The following NPAS3 variants were observed in gnomAD, a reference collection of about 807,000 sequenced individuals.
The protein encoded by NPAS3 is neuronal PAS domain protein 3.
Under a neutral mutation model 73.1 loss-of-function variants are expected in NPAS3, and 14 were observed. The observed-to-expected ratio is 0.19, with a 90% CI of 0.13 to 0.30. NPAS3 has a LOEUF of 0.30. NPAS3 is among the 10% of genes least tolerant of loss of function. The pLI, the probability that NPAS3 is intolerant of heterozygous loss-of-function variation, is 1.00. For synonymous variants in NPAS3, 620 were observed against 541.5 expected, an observed-to-expected ratio of 1.14 and a Z score of -2.01; for missense variants, 1,096 against 1,250.0, an observed-to-expected ratio of 0.88 and a Z score of 1.86.
intron 1 of NPAS3, among the ~76,000 whole-genome samples, chr14:33,038,406 C>A (rs2040239646): frequency 6.6e-6 from 1 of 152,052 alleles, no homozygotes; most frequent in African/African-American, 2.4e-5. Flanking sequence ...CTAATATAAT[C>A]TTGGTTTTCT....
intron 1 of NPAS3, among the ~76,000 whole-genome samples, chr14:33,012,583 C>G (rs928849606): frequency 2.0e-5 from 3 of 150,802 alleles, no homozygotes; most frequent in African/African-American, 4.9e-5. Context: ...GAGTCTCGCT[C>G]TCTCGCCTGG....
chr14:33,032,229 G>C (rs1311274461), intron 1 of NPAS3, among the ~76,000 whole-genome samples: 2 of 152,174 alleles, frequency 1.3e-5, no homozygotes, highest in African/African-American at 4.8e-5. Context: ...ACTTAGTTCT[G>C]CAGACAAAAG....
At chr14:33,685,115 A>G (rs1032660465) in intron 6 of NPAS3, among the ~76,000 whole-genome samples, 2 of 152,136 alleles carry the variant, frequency 1.3e-5, no homozygotes, top group African/African-American at 4.8e-5. Flanking sequence ...CATTGATTGA[A>G]TGTCCACGAC....
intron 3 of NPAS3, among the ~76,000 whole-genome samples, chr14:33,263,734 T>C (rs746203903): frequency 6.6e-6 from 1 of 152,228 alleles, no homozygotes; most frequent in Non-Finnish European, 1.5e-5. Context: ...TTCATGATAC[T>C]GATTCTTCCT....
intron 3 of NPAS3, among the ~76,000 whole-genome samples, chr14:33,345,722 G>C (rs530111819): frequency 1.6e-4 from 25 of 152,274 alleles, no homozygotes; most frequent in Admixed American, 1.3e-3. Flanking sequence ...ACTAGCCTAA[G>C]GATAAATGTG....
intron 4 of NPAS3, among the ~76,000 whole-genome samples, chr14:33,423,164 G>A (rs909864883): frequency 2.0e-5 from 3 of 152,030 alleles, no homozygotes; most frequent in Non-Finnish European, 4.4e-5. Context: ...GACAAGTTGG[G>A]TTGTCTGAAC....
At chr14:33,600,880 G>T (rs1265299511) in intron 5 of NPAS3, among the ~76,000 whole-genome samples, 1 of 152,144 alleles carries the variant, frequency 6.6e-6, no homozygotes, top group African/African-American at 2.4e-5. Flanking sequence ...GACCTGTCTG[G>T]GAAAAGCTTC....
chr14:33,800,778 A>T lies in NPAS3; in HGVS notation c.2471A>T (p.Tyr824Phe). The change falls in exon 12 of 12, where the codon TAC becomes TTC. Residue 824 changes from tyrosine (Y) to phenylalanine (F), a missense_variant. By Grantham distance (22) the Tyr-to-Phe change is conservative. Around this residue, in one of 5 missense-constraint regions of NPAS3, gnomAD observed 698 missense variants for 676.7 expected, o/e 1.03. Coordinates refer to ENST00000356141, the Ensembl canonical transcript of NPAS3. This position sits in a 1 kb window ranked among gnomAD's most constrained non-coding sequence, Gnocchi z 6.5. ...ACCAGCACGGCCGCGCAGAGGGTCT[A>T]CACCACGGGCACCATCCGCTACGCG... 6.3e-7 allele frequency: 1 copy of T among 1,580,664 alleles called. No individual in the cohort carries two copies.
intron 2 of NPAS3, among the ~76,000 whole-genome samples, chr14:33,149,258 G>A (rs1015980387): frequency 4.6e-5 from 7 of 152,138 alleles, no homozygotes; most frequent in Non-Finnish European, 1.0e-4. Flanking sequence ...AACTTGATAC[G>A]CTTTGTGCCT....
intron 4 of NPAS3, among the ~76,000 whole-genome samples, chr14:33,396,050 A>G (rs2047209876): frequency 6.6e-6 from 1 of 152,074 alleles, no homozygotes; most frequent in Non-Finnish European, 1.5e-5. Flanking sequence ...CATCCAATTA[A>G]CCTTTGACTT....
At chr14:33,193,198 GT>G (rs33973640) in intron 2 of NPAS3, among the ~76,000 whole-genome samples, 48,913 of 141,848 alleles carry the variant, frequency 0.34, 8,917 homozygotes, top group Non-Finnish European at 0.44. Context: ...AAGTGTCTTA[GT>G]TTTTTTTTTT....
intron 3 of NPAS3, among the ~76,000 whole-genome samples, chr14:33,236,179 A>C (rs905007144): frequency 6.6e-6 from 1 of 151,858 alleles, no homozygotes; most frequent in African/African-American, 2.4e-5. Context: ...AAAAAAACCA[A>C]AGAGGAAAGG....
chr14:33,091,823 A>C (rs1022002609), intron 2 of NPAS3, among the ~76,000 whole-genome samples: 1 of 152,216 alleles, frequency 6.6e-6, no homozygotes, highest in Non-Finnish European at 1.5e-5. Context: ...CAACATACGC[A>C]AATCAATAAA....
exon 12 of NPAS3, chr14:33,799,880 A>G: frequency 6.2e-7 from 1 of 1,614,194 alleles, no homozygotes; most frequent in Non-Finnish European, 8.5e-7. Flanking sequence ...TAACCCGGAC[A>G]GCCGCGACAG....
chr14:33,130,114 G>A lies in NPAS3; in HGVS notation c.140+74120G>A, dbSNP rs558627134. Among the ~76,000 whole-genome samples, 18 of 152,242 alleles carry A rather than the reference G, an allele frequency of 1.2e-4. No individual in the cohort carries two copies. The East Asian group carries it at 3.5e-3, about 29-fold the overall frequency. ...CTGGTATAGCAATTATAACTGATAAGGTATCCATAATTCATTTAATGCAGT... is the reference window on the plus strand; with the variant it reads ...CTGGTATAGCAATTATAACTGATAAAGTATCCATAATTCATTTAATGCAGT... On this transcript the variant is annotated intron_variant, in intron 2 of 11. Transcript: ENST00000356141.
chr14:33,619,456 A>G (rs1290235853), intron 5 of NPAS3, among the ~76,000 whole-genome samples: 2 of 152,198 alleles, frequency 1.3e-5, no homozygotes, highest in Non-Finnish European at 2.9e-5. Flanking sequence ...ATTAAAAAAA[A>G]AAATCCAAAG....
intron 5 of NPAS3, among the ~76,000 whole-genome samples, chr14:33,632,040 T>C (rs2140140392): frequency 6.6e-6 from 1 of 152,364 alleles, no homozygotes; most frequent in South Asian, 2.1e-4. Context: ...TTATCTCTTA[T>C]GACGATTTCA....
chr14:33,655,249 C>T (rs1447567437), intron 5 of NPAS3, among the ~76,000 whole-genome samples: 1 of 151,760 alleles, frequency 6.6e-6, no homozygotes, highest in African/African-American at 2.4e-5. Flanking sequence ...TGCATTTTCC[C>T]AAATACACCC....
intron 5 of NPAS3, chr14:33,583,468 G>A (rs890170141): frequency 1.3e-5 from 2 of 152,064 alleles, no homozygotes; most frequent in Non-Finnish European, 2.9e-5. Context: ...TTTAATAAAG[G>A]TATATCTTTC....
Sources: allele counts gnomAD v4.1 joint callset (sites outside exome capture counted in the v4.1 genomes callset), GRCh38; gene constraint gnomAD v4.1.1; regional missense constraint gnomAD v4.1.1; non-coding constraint Gnocchi (gnomAD v3.1); transcripts MANE v1.5; gene names NCBI Gene and HGNC (gene_info 2026-07-23, HGNC 2026-07-21).